PLEKHA7: variants seen among roughly 807,000 people sequenced by gnomAD.
PLEKHA7 encodes the protein pleckstrin homology domain containing A7, also known as pleckstrin homology domain-containing family A member 7.
In PLEKHA7, 104 loss-of-function variants were observed where a neutral mutation model predicts 170.0. That is an observed-to-expected ratio of 0.61 (90% CI 0.52 to 0.72). The LOEUF is 0.72. Ranked by LOEUF, PLEKHA7 falls within the 30% of genes least tolerant of loss-of-function variation. PLEKHA7 has a pLI of 0.00. For synonymous variants in PLEKHA7, 648 were observed against 660.8 expected, an observed-to-expected ratio of 0.98 and a Z score of 0.30; for missense variants, 1,615 against 1,671.7, an observed-to-expected ratio of 0.97 and a Z score of 0.59.
chr11:16,937,890 G>A (rs909860986), intron 3 of PLEKHA7, among the ~76,000 whole-genome samples: 6 of 152,182 alleles, frequency 3.9e-5, no homozygotes, highest in Non-Finnish European at 8.8e-5. Context: ...TTACAGGTGT[G>A]AGCCACAGCA....
At chr11:16,938,723 A>G (rs1860481441) in intron 3 of PLEKHA7, among the ~76,000 whole-genome samples, 1 of 152,200 alleles carries the variant, frequency 6.6e-6, no homozygotes, top group African/African-American at 2.4e-5. Flanking sequence ...TGTGGGAGAG[A>G]CCATTTTTCA....
chr11:16,902,293 A>G (rs80160188), intron 3 of PLEKHA7, among the ~76,000 whole-genome samples: 2,377 of 152,338 alleles, frequency 0.016, 61 homozygotes, highest in African/African-American at 0.054. Context: ...TGAATCATGT[A>G]GCTATGAATT....
At chr11:16,826,762 G>A (rs761199560) in intron 9 of PLEKHA7, among the ~76,000 whole-genome samples, 172 bp from the exon 10 acceptor site, 1 of 152,112 alleles carries the variant, frequency 6.6e-6, no homozygotes, top group Non-Finnish European at 1.5e-5. Context: ...TTGGGGATCT[G>A]GCTTAACACC....
chr11:16,809,469 C>G (rs763774676), intron 13 of PLEKHA7, among the ~76,000 whole-genome samples: 10 of 152,212 alleles, frequency 6.6e-5, no homozygotes, highest in African/African-American at 2.4e-4. Flanking sequence ...ACCTCACCCC[C>G]CTCCAAGGAA....
chr11:16,804,040 G>A (rs999317796), intron 13 of PLEKHA7, among the ~76,000 whole-genome samples: 2 of 152,194 alleles, frequency 1.3e-5, no homozygotes, highest in Non-Finnish European at 2.9e-5. Flanking sequence ...TAGGCAATAT[G>A]CTGCCTGTCT....
At chr11:16,987,763 C>T (rs1863822374) in intron 3 of PLEKHA7, among the ~76,000 whole-genome samples, 2 of 152,202 alleles carry the variant, frequency 1.3e-5, no homozygotes, top group African/African-American at 2.4e-5. Flanking sequence ...TCCTGGATCC[C>T]TCCCTTCTCA....
intron 10 of PLEKHA7, among the ~76,000 whole-genome samples, chr11:16,824,698 C>T (rs146616932): frequency 1.2e-3 from 187 of 152,290 alleles, no homozygotes; most frequent in African/African-American, 4.4e-3. Flanking sequence ...AGGCTCTTAC[C>T]TTCTTTGTGA....
intron 3 of PLEKHA7, among the ~76,000 whole-genome samples, chr11:16,963,050 T>C (rs1266872859): frequency 1.3e-5 from 2 of 152,168 alleles, no homozygotes; most frequent in Non-Finnish European, 2.9e-5. Context: ...CAGCCTCCTT[T>C]TCTGTAGATG....
At chr11:16,890,019 A>ATGC (rs959536844) in intron 3 of PLEKHA7, among the ~76,000 whole-genome samples, 20 of 152,216 alleles carry the variant, frequency 1.3e-4, no homozygotes, top group African/African-American at 3.9e-4. Context: ...AAAGAAAAAA[A>ATGC]TGCCAGCCAA....
chr11:16,852,390 T>G, intron 6 of PLEKHA7, 35 bp from the exon 7 acceptor site: 1 of 1,589,158 alleles, frequency 6.3e-7, no homozygotes, highest in South Asian at 1.1e-5. Flanking sequence ...GGGTAATATC[T>G]GAGCATACTG....
At chr11:16,814,516 G>A (rs1849603645) in intron 12 of PLEKHA7, among the ~76,000 whole-genome samples, 1 of 152,180 alleles carries the variant, frequency 6.6e-6, no homozygotes, top group Non-Finnish European at 1.5e-5. Flanking sequence ...AGATACCCGG[G>A]AGGGCAGCCC....
chr11:16,809,503 G>C lies in PLEKHA7; in HGVS notation c.2007+3610C>G, dbSNP rs1849216769. ...AACCAGGGGGGACCTCTCATAAGCA[G>C]CTGGTCCCAGAGGGGCTGTGCTTAT... On this transcript the variant is annotated intron_variant, in intron 13 of 26. Coordinates refer to ENST00000531066, the MANE Select transcript of PLEKHA7 (RefSeq NM_001329630.2). Among the ~76,000 whole-genome samples the C allele has an allele frequency of 3.9e-5, 6 of 152,238 alleles. No individual in the cohort carries two copies. The South Asian group carries it at 1.2e-3, about 31-fold the overall frequency.
chr11:17,014,320 T>A lies in PLEKHA7; in HGVS notation c.82A>T (p.Ile28Phe). 6.9e-7 allele frequency: 1 copy of A among 1,445,318 alleles called. No homozygotes were observed. The highest frequency in any genetic ancestry group is 9.1e-7 in the Non-Finnish European group (1 of 1,094,738). The allele number at this position is 1,445,318 out of a possible 1,614,324, so 89.5% of individuals were successfully genotyped here. A position where few individuals can be genotyped will look rare whatever the true frequency, so the allele number is the denominator to read the frequency against. ...CCCCGGGTCCTCGCGCCGCACTTGA[T>A]GAAGAAGACGCGGCCATCCCGGCAC... ...GVCRDGRVFF[I>F]NDQLRCTTWL... is the part of the protein sequence containing the mutation. Residue 28 changes from isoleucine to phenylalanine, a missense_variant, in exon 1 of 27, where the codon ATC (isoleucine) becomes TTC (phenylalanine). Ile to Phe is a conservative substitution (Grantham distance 21, BLOSUM62 0). Coordinates refer to ENST00000531066, the MANE Select transcript of PLEKHA7 (RefSeq NM_001329630.2).
At chr11:16,857,697 G>C (rs534594666) in intron 4 of PLEKHA7, among the ~76,000 whole-genome samples, 7 of 149,470 alleles carry the variant, frequency 4.7e-5, no homozygotes, top group Non-Finnish European at 9.0e-5. Context: ...CGACAAAAAA[G>C]ATTTGTTTGA....
chr11:16,984,628 G>A (rs996488256), intron 3 of PLEKHA7, among the ~76,000 whole-genome samples: 4 of 152,132 alleles, frequency 2.6e-5, no homozygotes, highest in East Asian at 1.9e-4. Context: ...CAGGCCTCCT[G>A]TCTCCTTTTC....
At chr11:16,910,835 A>C (rs1312700834) in intron 3 of PLEKHA7, among the ~76,000 whole-genome samples, 1 of 152,210 alleles carries the variant, frequency 6.6e-6, no homozygotes, top group Non-Finnish European at 1.5e-5. Flanking sequence ...GCAAAGAACA[A>C]AGCTCCATAC....
intron 4 of PLEKHA7, among the ~76,000 whole-genome samples, chr11:16,859,840 C>G (rs12806040): frequency 0.038 from 5,842 of 152,330 alleles, 192 homozygotes; most frequent in African/African-American, 0.084. Context: ...CACTGCGTCA[C>G]GCAGACCCCT....
intron 13 of PLEKHA7, among the ~76,000 whole-genome samples, chr11:16,806,845 G>C (rs1049904860): frequency 1.3e-5 from 2 of 152,164 alleles, no homozygotes; most frequent in Non-Finnish European, 2.9e-5. Flanking sequence ...GTGAGCCCTC[G>C]CCATGGAGGC....
chr11:16,841,232 T>C (rs1186949489), intron 9 of PLEKHA7, among the ~76,000 whole-genome samples: 2 of 152,172 alleles, frequency 1.3e-5, no homozygotes, highest in Non-Finnish European at 2.9e-5. Context: ...AGTTAGTCTG[T>C]AGCAGATTTT....
Sources: gnomAD v4.1 joint callset for allele counts (sites outside exome capture counted in the v4.1 genomes callset) on GRCh38, gnomAD v4.1.1 for gene constraint, MANE v1.5 for transcripts, NCBI Gene and HGNC (gene_info 2026-07-23, HGNC 2026-07-21) for gene names.